The following HPSE2 variants were observed in gnomAD, a reference collection of about 807,000 sequenced individuals.
HPSE2 encodes the protein inactive heparanase-2.
A neutral mutation model predicts 60.5 loss-of-function variants in HPSE2; 38 were observed. The observed-to-expected ratio is 0.63, with a 90% CI of 0.48 to 0.82. The LOEUF (loss-of-function observed/expected upper bound fraction) is 0.82. Among genes scored for constraint, HPSE2 ranks in the 40% least tolerant of loss-of-function variants. HPSE2 has a pLI of 0.00. For synonymous variants in HPSE2, 295 were observed against 293.2 expected (o/e 1.01, Z -0.06); for missense variants, 713 against 740.4 (o/e 0.96, Z 0.43).
chr10:98,976,692 C>T (rs1956092611), intron 3 of HPSE2, among the ~76,000 whole-genome samples: 1 of 151,794 alleles, frequency 6.6e-6, no homozygotes, highest in Non-Finnish European at 1.5e-5. Flanking sequence ...ACAGTTTGTT[C>T]CCTCATAAAA....
At chr10:98,693,078 T>C (rs1028865632) in intron 6 of HPSE2, among the ~76,000 whole-genome samples, 4 of 151,910 alleles carry the variant, frequency 2.6e-5, no homozygotes, top group African/African-American at 9.7e-5. Flanking sequence ...AGGGTTAGAG[T>C]AATTGAGAAA....
chr10:98,609,258 C>G (rs890301164), intron 9 of HPSE2, among the ~76,000 whole-genome samples: 3 of 152,166 alleles, frequency 2.0e-5, no homozygotes, highest in African/African-American at 7.2e-5. Context: ...TTGTCTATCT[C>G]CCTATCTCTA....
At chr10:98,604,307 A>G (rs1165609212) in intron 9 of HPSE2, among the ~76,000 whole-genome samples, 10 of 82,150 alleles carry the variant, frequency 1.2e-4, no homozygotes, top group Admixed American at 8.3e-4. Context: ...AGAAAGAACT[A>G]AAAAAAAAAA....
At chr10:98,823,770 C>CACATAA (rs1391757363) in intron 3 of HPSE2, among the ~76,000 whole-genome samples, 1 of 152,092 alleles carries the variant, frequency 6.6e-6, no homozygotes, top group African/African-American at 2.4e-5. Flanking sequence ...TAAACAAGTA[C>CACATAA]ACAAGTCACA....
chr10:99,189,260 T>G (rs2133855503), intron 2 of HPSE2, among the ~76,000 whole-genome samples: 1 of 152,336 alleles, frequency 6.6e-6, no homozygotes, highest in Admixed American at 6.5e-5. Context: ...CATGGATAAC[T>G]TCATGATTTT....
intron 3 of HPSE2, among the ~76,000 whole-genome samples, chr10:98,895,077 TA>T (rs983443902): frequency 1.3e-5 from 2 of 151,816 alleles, no homozygotes; most frequent in African/African-American, 4.8e-5. Context: ...ATCTGAAGTT[TA>T]AAAAAAATTT....
intron 6 of HPSE2, among the ~76,000 whole-genome samples, chr10:98,669,568 C>A (rs1212307776): frequency 6.6e-6 from 1 of 152,118 alleles, no homozygotes; most frequent in African/African-American, 2.4e-5. Flanking sequence ...AATATTGTGT[C>A]CTTTGCAGCA....
intron 9 of HPSE2, among the ~76,000 whole-genome samples, chr10:98,536,019 C>T (rs1943272310): frequency 6.6e-6 from 1 of 152,206 alleles, no homozygotes; most frequent in Non-Finnish European, 1.5e-5. Flanking sequence ...CCCTCATTAA[C>T]CTCACAGCCC....
intron 9 of HPSE2, among the ~76,000 whole-genome samples, chr10:98,599,159 G>A (rs1212630778): frequency 6.6e-6 from 1 of 152,158 alleles, no homozygotes; most frequent in Non-Finnish European, 1.5e-5. Context: ...GACTGGCTTG[G>A]CACTGGGCAT....
chr10:98,645,001 T>C (rs1227333548), intron 6 of HPSE2, among the ~76,000 whole-genome samples: 2 of 151,904 alleles, frequency 1.3e-5, no homozygotes, highest in Non-Finnish European at 1.5e-5. Flanking sequence ...ATGATCTGGG[T>C]CTAAATAAGG....
At chr10:98,808,346 A>G (rs1458310349) in intron 3 of HPSE2, among the ~76,000 whole-genome samples, 1 of 152,152 alleles carries the variant, frequency 6.6e-6, no homozygotes, top group African/African-American at 2.4e-5. Context: ...AAGAGTGATT[A>G]TTCCTTAGAA....
intron 3 of HPSE2, among the ~76,000 whole-genome samples, chr10:99,031,323 T>C (rs1447038619): frequency 1.3e-5 from 2 of 152,328 alleles, no homozygotes; most frequent in East Asian, 3.9e-4. Flanking sequence ...GAATTTTCTA[T>C]GTGGGGTACC....
At chr10:99,195,957 A>G (rs148319142) in intron 2 of HPSE2, among the ~76,000 whole-genome samples, 5 of 152,276 alleles carry the variant, frequency 3.3e-5, no homozygotes, top group African/African-American at 4.8e-5. Context: ...ACTTCATATT[A>G]TACTGCAGAG....
chr10:99,077,336 T>C (rs1015489487), intron 3 of HPSE2, among the ~76,000 whole-genome samples: 6 of 152,210 alleles, frequency 3.9e-5, no homozygotes, highest in African/African-American at 1.4e-4. Flanking sequence ...ATCAGGAACA[T>C]TCATAATATG....
chr10:99,152,330 G>C (rs1030732259), intron 2 of HPSE2, among the ~76,000 whole-genome samples: 1 of 140,838 alleles, frequency 7.1e-6, no homozygotes, highest in South Asian at 2.2e-4. Context: ...AAAAAAAAAA[G>C]ACTGAGAGAA....
intron 9 of HPSE2, among the ~76,000 whole-genome samples, chr10:98,525,925 G>A (rs780963211): frequency 6.6e-6 from 1 of 152,172 alleles, no homozygotes; most frequent in Non-Finnish European, 1.5e-5. Context: ...CACCGATCCT[G>A]TATATTAGAT....
intron 2 of HPSE2, among the ~76,000 whole-genome samples, chr10:99,222,200 G>C (rs924746449): frequency 5.9e-5 from 9 of 152,018 alleles, no homozygotes; most frequent in Non-Finnish European, 1.0e-4. Context: ...GTTATAACAG[G>C]GGTAATGAAA....
intron 3 of HPSE2, among the ~76,000 whole-genome samples, chr10:98,853,020 C>T (rs959331544): frequency 1.3e-5 from 2 of 152,106 alleles, no homozygotes; most frequent in Non-Finnish European, 2.9e-5. Flanking sequence ...GACTGAGCTA[C>T]AAAACAAAAG....
At chr10:98,876,817 A>G (rs1213857444) in intron 3 of HPSE2, among the ~76,000 whole-genome samples, 2 of 151,920 alleles carry the variant, frequency 1.3e-5, no homozygotes, top group Non-Finnish European at 2.9e-5. Flanking sequence ...GATTATTAAC[A>G]GTTGAAGAAA....
Sources: allele counts gnomAD v4.1 joint callset (sites outside exome capture counted in the v4.1 genomes callset), GRCh38; gene constraint gnomAD v4.1.1; transcripts MANE v1.5; gene names NCBI Gene and HGNC (gene_info 2026-07-23, HGNC 2026-07-21).